RUFY1: variants seen among roughly 807,000 people sequenced by gnomAD.
The protein encoded by RUFY1 is RUN and FYVE domain-containing protein 1.
RUFY1 carries 54 observed loss-of-function variants against 94.6 expected under a neutral mutation model. The ratio of observed to expected loss-of-function variants is 0.57; its 90% CI spans 0.46 to 0.72. The LOEUF is 0.72. RUFY1 is among the 30% of genes least tolerant of loss of function. RUFY1 has a pLI of 0.00. For synonymous variants in RUFY1, 396 were observed against 347.3 expected (o/e 1.14, Z -1.56); for missense variants, 883 against 883.9 (o/e 1.00, Z 0.01).
chr5:179,594,615 GCCAGA>G, intron 11 of RUFY1, among the ~76,000 whole-genome samples: 1 of 145,654 alleles, frequency 6.9e-6, no homozygotes, highest in Admixed American at 7.0e-5. Context: ...CAAAAAATTA[GCCAGA>G]TGTGGTGGCG....
chr5:179,559,581 G>T, intron 1 of RUFY1: 1 of 795,110 alleles, frequency 1.3e-6, no homozygotes, highest in South Asian at 5.3e-5. Flanking sequence ...CGTAGGAGAG[G>T]CCTTGAGCTG....
At chr5:179,596,771 A>C in intron 13 of RUFY1, 90 bp downstream of exon 13, 187 of 139,312 alleles carry the variant, frequency 1.3e-3, no homozygotes, top group Middle Eastern at 3.9e-3. Flanking sequence ...TTCAGCACGA[A>C]CGGGAGGAGG....
At position 179,561,678 on chromosome 5, in the gene RUFY1, C is replaced by CTTTTTTTTTTTTTTTT. The variant is rs71001004; in HGVS notation, c.485-859_485-844dup. ...CTATAAGGCAACTGTTTTTTTCTTT[C>CTTTTTTTTTTTTTTTT]TTTTTTTTTTTTTTTTTTTTTTTTT... On this transcript the variant is annotated intron_variant, in intron 2 of 17. Transcript: ENST00000319449. 5.4e-4 allele frequency among the ~76,000 whole-genome samples: 35 copies of CTTTTTTTTTTTTTTTT among 64,608 alleles called. 2 individuals carry two copies. The highest frequency in any genetic ancestry group is 1.2e-3 in the South Asian group (2 of 1,686). The allele number at this position is 64,608 out of a possible 152,430, so 42.4% of individuals were successfully genotyped here. A position where few individuals can be genotyped will look rare whatever the true frequency, so the allele number is the denominator to read the frequency against.
At chr5:179,559,000 CAG>C (rs1762246164) in intron 1 of RUFY1, among the ~76,000 whole-genome samples, 2 of 152,254 alleles carry the variant, frequency 1.3e-5, no homozygotes, top group South Asian at 2.1e-4. Context: ...AGAGAATAAA[CAG>C]AAGTTATTTA....
At chr5:179,588,783 T>C (rs569668497) in intron 8 of RUFY1, among the ~76,000 whole-genome samples, 1 of 152,184 alleles carries the variant, frequency 6.6e-6, no homozygotes, top group African/African-American at 2.4e-5. Flanking sequence ...CAGGCTGGAG[T>C]GCGGTGGCAT....
rs1464900778 is a variant in RUFY1 at position 179,603,214 on chromosome 5, G to A, written c.1856+1228G>A. ...CGGGAGGCAGAGGTTGCAGTAAGCCGAGATTGCACCACTGCACTCCAGCCT... is the reference window on the plus strand; with the variant it reads ...CGGGAGGCAGAGGTTGCAGTAAGCCAAGATTGCACCACTGCACTCCAGCCT... On this transcript the variant is annotated intron_variant, in intron 15 of 17. Transcript: ENST00000319449. Among the ~76,000 whole-genome samples, 9 of 151,774 alleles carry A rather than the reference G, an allele frequency of 5.9e-5. No homozygotes were observed. In the East Asian group the frequency reaches 9.7e-4, roughly 16 times the overall value.
In RUFY1 at chr5:179,577,100, ACCTT is replaced by A; in HGVS notation, c.855_858del (p.Tyr285Ter). 6.3e-7 allele frequency: 1 copy of A among 1,586,488 alleles called. No homozygotes were observed. The highest frequency in any genetic ancestry group is 8.6e-7 in the Non-Finnish European group (1 of 1,164,326). ...GTTGGAGTAATAGATTTTTCCCTCT[ACCTT>A]AAGGATGTGCAGGATCTTGATGGTG... is the stretch of plus-strand genomic sequence containing the variant. On this transcript the variant is annotated frameshift_variant, in exon 6 of 18. Transcript: ENST00000319449. LOFTEE classifies it high-confidence loss of function.
chr5:179,562,821 C>T, intron 3 of RUFY1, 157 bp downstream of exon 3: 1 of 580,228 alleles, frequency 1.7e-6, no homozygotes. Context: ...CTCTCTGAGC[C>T]TCAGTTTCCT....
chr5:179,590,093 C>T lies in RUFY1; in HGVS notation c.1128+446C>T, dbSNP rs183065428. On this transcript the variant is annotated intron_variant, in intron 9 of 17. Coordinates refer to ENST00000319449, the MANE Select transcript of RUFY1 (RefSeq NM_025158.5). ...TCTGGGCCGGGCACAGTGGCTCACACCTGTAATCCCAGCACTTTGGGAGGC... is the reference window on the plus strand; with the variant it reads ...TCTGGGCCGGGCACAGTGGCTCACATCTGTAATCCCAGCACTTTGGGAGGC... Among the ~76,000 whole-genome samples the T allele has an allele frequency of 7.9e-5, 12 of 152,246 alleles. No individual in the cohort carries two copies. In the East Asian group the frequency reaches 2.1e-3, roughly 27 times the overall value.
intron 13 of RUFY1, 106 bp from the exon 14 acceptor site, chr5:179,598,586 A>C: frequency 7.5e-7 from 1 of 1,334,304 alleles, no homozygotes; most frequent in South Asian, 1.3e-5. Flanking sequence ...TAGATGCTCA[A>C]GAGGCAATTC....
Position 179,609,665 on chromosome 5 carries a change from C to G in RUFY1, c.*146C>G, listed in dbSNP as rs1242199515. On this transcript the variant is annotated 3_prime_UTR_variant, in exon 18 of 18. Transcript: ENST00000319449. ...CACTGGCACTCCAGAAGACAGCGTG[C>G]CGGAACCGGCAGCTCTCACCTTTCT... is the stretch of plus-strand genomic sequence containing the variant. 7 of 737,514 alleles carry G rather than the reference C, an allele frequency of 9.5e-6. No individual in the cohort carries two copies. The highest frequency in any genetic ancestry group is 4.0e-4 in the Middle Eastern group (1 of 2,520). The allele number at this position is 737,514 out of a possible 1,614,324, so 45.7% of individuals were successfully genotyped here.
At chr5:179,591,802 C>A in intron 10 of RUFY1, 61 bp downstream of exon 10, 1 of 973,194 alleles carries the variant, frequency 1.0e-6, no homozygotes, top group South Asian at 1.7e-5. Context: ...ATTCTGTCAA[C>A]ACTTTTCATA....
intron 14 of RUFY1, chr5:179,599,672 G>A (rs951485191): frequency 2.6e-5 from 4 of 152,418 alleles, no homozygotes; most frequent in Non-Finnish European, 5.9e-5. Flanking sequence ...CCAGAGGGGA[G>A]GAGGCTCTGC....
rs1186564336 is a variant in RUFY1 at position 179,591,651 on chromosome 5, G to A, written c.1155G>A (p.Glu385=). The A allele has an allele frequency of 6.2e-7, 1 of 1,612,972 alleles. No homozygotes were observed. Among genetic ancestry groups the A allele is most frequent in the Non-Finnish European group, 8.5e-7 (1 of 1,179,462 alleles). The change falls in exon 10 of 18, where the codon GAG becomes GAA. Residue 385 remains glutamate, a synonymous_variant. Coordinates refer to ENST00000319449, the MANE Select transcript of RUFY1 (RefSeq NM_025158.5). ...TAACAAAACAGGATACCAAAGTTGA[G>A]CTGGAGACTTACAAGCAAACTCGGC... is the stretch of plus-strand genomic sequence containing the variant. ...VEITKQDTKV[E]LETYKQTRQG...
chr5:179,592,739 A>G (rs1362845780), intron 10 of RUFY1, among the ~76,000 whole-genome samples: 1 of 152,234 alleles, frequency 6.6e-6, no homozygotes, highest in Non-Finnish European at 1.5e-5. Context: ...GATGCAGGGA[A>G]ACATGTCCTG....
At chr5:179,600,338 T>A (rs1266217593) in intron 14 of RUFY1, among the ~76,000 whole-genome samples, 1 of 152,162 alleles carries the variant, frequency 6.6e-6, no homozygotes, top group Non-Finnish European at 1.5e-5. Flanking sequence ...CTTAACAGAC[T>A]GGCTCAAGGT....
At chr5:179,572,221 T>C in intron 5 of RUFY1, 2 of 299,072 alleles carry the variant, frequency 6.7e-6, no homozygotes, top group Admixed American at 9.6e-5. Context: ...CCCTGGTGGA[T>C]GGCGCCTTCC....
At chr5:179,551,921 T>C (rs1429118841) in intron 1 of RUFY1, among the ~76,000 whole-genome samples, 3 of 151,570 alleles carry the variant, frequency 2.0e-5, no homozygotes, top group Non-Finnish European at 2.9e-5. Context: ...ATCCCAGCAC[T>C]TTGGGAGGCC....
intron 3 of RUFY1, 78 bp downstream of exon 3, chr5:179,562,742 A>G: frequency 1.3e-6 from 1 of 799,328 alleles, no homozygotes; most frequent in Non-Finnish European, 2.2e-6. Flanking sequence ...TTCCTTGCTG[A>G]TGAAGCCCTT....
Sources: allele counts gnomAD v4.1 joint callset (sites outside exome capture counted in the v4.1 genomes callset), GRCh38; gene constraint gnomAD v4.1.1; transcripts MANE v1.5; gene names NCBI Gene and HGNC (gene_info 2026-07-23, HGNC 2026-07-21).